Variants in COL4A1 observed in about 807,000 individuals in gnomAD.
The protein encoded by COL4A1 is collagen alpha-1(IV) chain.
In COL4A1, 40 loss-of-function variants were observed where a neutral mutation model predicts 216.6. The ratio of observed to expected loss-of-function variants is 0.18; its 90% CI spans 0.14 to 0.24. COL4A1 has a LOEUF of 0.24. Among genes scored for constraint, COL4A1 ranks in the 10% least tolerant of loss-of-function variants. The pLI, the probability that COL4A1 is intolerant of heterozygous loss-of-function variation, is 1.00. For missense variants in COL4A1, 1,628 were observed against 2,196.8 expected, an observed-to-expected ratio of 0.74 and a Z score of 5.18; for synonymous variants, 839 against 810.7, an observed-to-expected ratio of 1.03 and a Z score of -0.59.
intron 2 of COL4A1, among the ~76,000 whole-genome samples, chr13:110,226,664 C>T (rs1334665324): frequency 6.6e-6 from 1 of 152,182 alleles, no homozygotes; most frequent in Non-Finnish European, 1.5e-5. Flanking sequence ...CACTATTAGC[C>T]TAACCTCATT....
Position 110,161,287 on chromosome 13 carries a change from T to C in COL4A1, c.4545A>G (p.Ser1515=), listed in dbSNP as rs763399157. The change falls in exon 49 of 52, where the codon TCA becomes TCG. Residue 1515 remains serine (S), a synonymous_variant. Transcript: ENST00000375820. ...CNINNVCNFA[S]RNDYSYWLST... ...ACAGCCAGTACGAGTAGTCATTTCGTGATGCAAAGTTGCACACGTTGTTAA... is the reference window on the plus strand; with the variant it reads ...ACAGCCAGTACGAGTAGTCATTTCGCGATGCAAAGTTGCACACGTTGTTAA... 1.9e-6 allele frequency: 3 copies of C among 1,614,212 alleles called. No homozygotes were observed. The highest frequency in any genetic ancestry group is 2.5e-6 in the Non-Finnish European group (3 of 1,180,042).
intron 1 of COL4A1, among the ~76,000 whole-genome samples, chr13:110,296,046 C>A (rs1884262437): frequency 6.6e-6 from 1 of 152,246 alleles, no homozygotes; most frequent in Non-Finnish European, 1.5e-5. Flanking sequence ...AGAAAGTTCT[C>A]AAAAGTGATT....
At chr13:110,220,303 A>T (rs1395871246) in intron 2 of COL4A1, among the ~76,000 whole-genome samples, 1 of 152,228 alleles carries the variant, frequency 6.6e-6, no homozygotes, top group African/African-American at 2.4e-5. Context: ...ATCATAGCTT[A>T]GCCTAGCCAT....
At chr13:110,306,605 A>T (rs966178216) in intron 1 of COL4A1, among the ~76,000 whole-genome samples, 7 of 152,254 alleles carry the variant, frequency 4.6e-5, no homozygotes, top group Non-Finnish European at 8.8e-5. Flanking sequence ...GGGACGGGTG[A>T]AGGCGCCCAG....
At chr13:110,220,086 T>TGC (rs1555308058) in intron 2 of COL4A1, among the ~76,000 whole-genome samples, 25 of 151,432 alleles carry the variant, frequency 1.7e-4, no homozygotes, top group African/African-American at 5.3e-4. Flanking sequence ...TATAGTAGTG[T>TGC]GCCACCATGC....
chr13:110,162,078 C>G (rs189029301), intron 48 of COL4A1, 152 bp downstream of exon 48: 2 of 773,380 alleles, frequency 2.6e-6, no homozygotes, highest in Non-Finnish European at 4.6e-6. Context: ...GAAATGGGGC[C>G]GGGCTGCTTT....
rs547137234 is a variant in COL4A1, at chr13:110,268,091, A to G, written c.85-25357T>C. ...CTCATGACATTTGACTCCAGGAGGA[A>G]AGTTTGACAGACTGCTGTTAAGCAC... On this transcript the variant is annotated intron_variant, in intron 1 of 51. Coordinates refer to ENST00000375820, the MANE Select transcript of COL4A1 (RefSeq NM_001845.6). This position sits in a 1 kb window ranked among gnomAD's most constrained non-coding sequence, Gnocchi z 4.1. Among the ~76,000 whole-genome samples, 1 of 152,330 alleles carries G rather than the reference A, an allele frequency of 6.6e-6. No homozygotes were observed. The highest frequency in any genetic ancestry group is 6.5e-5 in the Admixed American group (1 of 15,294).
Position 110,230,318 on chromosome 13 carries a change from A to G in COL4A1, c.144+12357T>C, listed in dbSNP as rs541385492. Among the ~76,000 whole-genome samples, 11 of 151,948 alleles carry G rather than the reference A, an allele frequency of 7.2e-5. No homozygotes were observed. The South Asian group carries it at 2.1e-3, about 29-fold the overall frequency. ...TGTGTGTGGTGTGTGCGTGTATGTG[A>G]TATGTGCATGCACGTGATGTGTGCA... On this transcript the variant is annotated intron_variant, in intron 2 of 51. Transcript: ENST00000375820.
chr13:110,258,778 T>C (rs1594098052), intron 1 of COL4A1, among the ~76,000 whole-genome samples: 2 of 152,244 alleles, frequency 1.3e-5, no homozygotes, highest in South Asian at 4.1e-4. Flanking sequence ...GCAAAGAAGC[T>C]GATACACTGT....
intron 2 of COL4A1, among the ~76,000 whole-genome samples, chr13:110,231,760 C>T (rs773347148): frequency 1.3e-4 from 20 of 152,192 alleles, no homozygotes; most frequent in Non-Finnish European, 2.8e-4. Flanking sequence ...AGACAGATGT[C>T]ATTCCTTTAC....
chr13:110,155,603 C>T (rs1438138676), intron 49 of COL4A1, among the ~76,000 whole-genome samples: 1 of 152,178 alleles, frequency 6.6e-6, no homozygotes, highest in Non-Finnish European at 1.5e-5. Context: ...AGTATTAAAA[C>T]ATTCAATTCA....
At chr13:110,289,969 A>G (rs1034368101) in intron 1 of COL4A1, among the ~76,000 whole-genome samples, 1 of 152,180 alleles carries the variant, frequency 6.6e-6, no homozygotes, top group Non-Finnish European at 1.5e-5. Flanking sequence ...CCTGGGAAGT[A>G]AAAATAGAGG....
intron 1 of COL4A1, among the ~76,000 whole-genome samples, chr13:110,297,485 A>G (rs7983081): frequency 0.22 from 33,148 of 152,118 alleles, 4,260 homozygotes; most frequent in African/African-American, 0.36. Context: ...GGTTGCCCAA[A>G]GTCAAACAGC....
chr13:110,151,631 G>A (rs1876501204), intron 51 of COL4A1, among the ~76,000 whole-genome samples: 1 of 152,156 alleles, frequency 6.6e-6, no homozygotes, highest in South Asian at 2.1e-4. Flanking sequence ...GGTGAGAAGC[G>A]CTTGTTTTGG....
At chr13:110,156,870 G>C (rs142307592) in intron 49 of COL4A1, among the ~76,000 whole-genome samples, 43 of 152,294 alleles carry the variant, frequency 2.8e-4, no homozygotes, top group African/African-American at 9.4e-4. Context: ...ACTTGTGTGT[G>C]TGTCTGTCTG....
At chr13:110,190,602 A>C (rs1237163813) in intron 24 of COL4A1, 1 of 152,074 alleles carries the variant, frequency 6.6e-6, no homozygotes, top group Non-Finnish European at 1.5e-5. Flanking sequence ...ATTTTAATCT[A>C]CTCTCCTGTG....
In COL4A1 at chr13:110,176,463, G is replaced by A. The variant is rs141418421; in HGVS notation, c.3019C>T (p.Pro1007Ser). 123 of 1,614,036 alleles carry A rather than the reference G, an allele frequency of 7.6e-5. 1 individual carries two copies. Among genetic ancestry groups the A allele is most frequent in the Admixed American group, 4.0e-4 (24 of 60,030 alleles). Reference sequence around the variant, plus strand: ...CCACCAACAGATCCTTTTGGTCCCGGAAGTCCTGGAGCACCTGGGGTTCCA... The same window carrying A: ...CCACCAACAGATCCTTTTGGTCCCGAAAGTCCTGGAGCACCTGGGGTTCCA... ...ISGTPGAPGL[P>S]GPKGSVGGMG... Residue 1007 changes from proline to serine, a missense_variant, in exon 36 of 52, where the codon CCG (proline) becomes TCG (serine). By Grantham distance (74) the Pro-to-Ser change is moderately conservative. Around this residue, in one of 8 missense-constraint regions of COL4A1, gnomAD observed 58 missense variants for 132.5 expected, o/e 0.44. Transcript: ENST00000375820.
chr13:110,212,308 CCAATTGTGGCAAAT>C lies in COL4A1; in HGVS notation c.387+95_387+108del, dbSNP rs1033372653. 2.9e-4 allele frequency: 393 copies of C among 1,350,080 alleles called. 1 individual carries two copies. Among genetic ancestry groups the C allele is most frequent in the Admixed American group, 5.3e-4 (31 of 58,610 alleles). 83.6% of individuals were successfully genotyped at this position (1,350,080 alleles called of 1,614,324 possible). A position where few individuals can be genotyped will look rare whatever the true frequency, so the allele number is the denominator to read the frequency against. On this transcript the variant is annotated intron_variant, in intron 6 of 51. Coordinates refer to ENST00000375820, the MANE Select transcript of COL4A1 (RefSeq NM_001845.6). ...AGCAAACTTTAAGACAAGCAACTTT[CCAATTGTGGCAAAT>C]AAAACTCTATTAACAGAATCACACT...
At position 110,154,443 on chromosome 13, in the gene COL4A1, C is replaced by A. The variant is rs566240274; in HGVS notation, c.4755+840G>T. On this transcript the variant is annotated intron_variant, in intron 50 of 51. Coordinates refer to ENST00000375820, the MANE Select transcript of COL4A1 (RefSeq NM_001845.6). ...TGCCCCAGGAGGGCCTTCGTGGAGG[C>A]CACGGCCAGCCCTCGGGTGTTCTCT... is the stretch of plus-strand genomic sequence containing the variant. 5.9e-5 allele frequency among the ~76,000 whole-genome samples: 9 copies of A among 152,400 alleles called. No individual in the cohort carries two copies. In the East Asian group the frequency reaches 9.6e-4, roughly 16 times the overall value.
Sources: gnomAD v4.1 joint callset for allele counts (sites outside exome capture counted in the v4.1 genomes callset) on GRCh38, gnomAD v4.1.1 for gene constraint, gnomAD v4.1.1 regional missense constraint, Gnocchi (gnomAD v3.1) non-coding constraint, MANE v1.5 for transcripts, NCBI Gene and HGNC (gene_info 2026-07-23, HGNC 2026-07-21) for gene names.